The following CLNK variants were observed in gnomAD, a reference collection of about 807,000 sequenced individuals.
The protein encoded by CLNK is cytokine dependent hematopoietic cell linker.
CLNK carries 74 observed loss-of-function variants against 68.6 expected under a neutral mutation model. The observed-to-expected ratio is 1.08, with a 90% confidence interval of 0.89 to 1.31. The LOEUF is 1.31. CLNK is among the 50% of genes most tolerant of loss of function. The pLI is 0.00. For synonymous variants in CLNK, 198 were observed against 172.2 expected (o/e 1.15, Z -1.17); for missense variants, 553 against 515.3 (o/e 1.07, Z -0.71).
chr4:10,633,950 C>T (rs1018740222), intron 2 of CLNK, among the ~76,000 whole-genome samples: 1 of 152,162 alleles, frequency 6.6e-6, no homozygotes, highest in African/African-American at 2.4e-5. Context: ...CTTAGGCCAA[C>T]TAGTGAGGTC....
At chr4:10,495,762 G>A (rs1387473125) in intron 18 of CLNK, among the ~76,000 whole-genome samples, 1 of 152,136 alleles carries the variant, frequency 6.6e-6, no homozygotes, top group Non-Finnish European at 1.5e-5. Context: ...AGATTTTGAT[G>A]AGAGAAGAGG....
chr4:10,540,555 C>G lies in CLNK; in HGVS notation c.541G>C (p.Glu181Gln). 1 of 1,613,892 alleles carries G rather than the reference C, an allele frequency of 6.2e-7. No individual in the cohort carries two copies. Among genetic ancestry groups the G allele is most frequent in the Non-Finnish European group, 8.5e-7 (1 of 1,179,858 alleles). ...TGAGATAAAGGTGGCCTGCTGCTCTCCGGCTCAGGGGGCAAGGGTTGGTAC... is the reference window on the plus strand; with the variant it reads ...TGAGATAAAGGTGGCCTGCTGCTCTGCGGCTCAGGGGGCAAGGGTTGGTAC... Reference protein sequence around the residue: ...KKYQPLPPEPESSRPPLSQRH... With the variant: ...KKYQPLPPEPQSSRPPLSQRH... The change falls in exon 11 of 19, where the codon GAG becomes CAG. Residue 181 changes from glutamate (E) to glutamine (Q), a missense_variant. Glu to Gln is a conservative substitution (Grantham distance 29, BLOSUM62 2). Coordinates refer to ENST00000226951, the MANE Select transcript of CLNK (RefSeq NM_052964.4).
At chr4:10,677,911 G>T (rs1724940117) in intron 1 of CLNK, among the ~76,000 whole-genome samples, 1 of 151,938 alleles carries the variant, frequency 6.6e-6, no homozygotes, top group Non-Finnish European at 1.5e-5. Flanking sequence ...GTTTAATTTA[G>T]TTTCCGTTAT....
At chr4:10,724,966 T>G in the CLNK span, among the ~76,000 whole-genome samples, 1 of 152,074 alleles carries the variant, frequency 6.6e-6, no homozygotes, top group Non-Finnish European at 1.5e-5. Context: ...AAGAACTTAT[T>G]TGTGAGGCAG....
At chr4:10,611,067 C>T (rs1721997189) in intron 2 of CLNK, among the ~76,000 whole-genome samples, 1 of 152,188 alleles carries the variant, frequency 6.6e-6, no homozygotes, top group African/African-American at 2.4e-5. Flanking sequence ...CGCCTGTAAT[C>T]CCAGCACTTT....
At chr4:10,624,936 T>C (rs1356816286) in intron 2 of CLNK, among the ~76,000 whole-genome samples, 3 of 152,200 alleles carry the variant, frequency 2.0e-5, no homozygotes, top group African/African-American at 7.2e-5. Flanking sequence ...CTTAACGTTT[T>C]CTCGATTCTG....
intron 2 of CLNK, among the ~76,000 whole-genome samples, chr4:10,616,387 T>TGCTTAA (rs1227518806): frequency 6.6e-6 from 1 of 152,234 alleles, no homozygotes; most frequent in Admixed American, 6.5e-5. Context: ...GTATGCTGTG[T>TGCTTAA]CAATATCTAT....
In CLNK at chr4:10,676,611, C is replaced by T. The variant is rs117796574; in HGVS notation, c.-43+8057G>A. 6.0e-4 allele frequency among the ~76,000 whole-genome samples: 92 copies of T among 152,066 alleles called. No individual in the cohort carries two copies. The East Asian group carries it at 0.017, about 27-fold the overall frequency. The stretch of plus-strand genomic sequence containing the variant: ...TCTATAGTTTCTGAATTTATTATTC[C>T]TGTTGAGTTTTGTTTTTAAAAACCA... On this transcript the variant is annotated intron_variant, in intron 1 of 18. Transcript: ENST00000226951.
chr4:10,628,005 G>A (rs1722743975), intron 2 of CLNK, among the ~76,000 whole-genome samples: 1 of 152,232 alleles, frequency 6.6e-6, no homozygotes, highest in Non-Finnish European at 1.5e-5. Flanking sequence ...CTCAGACTTT[G>A]CTGCTAGTGA....
At chr4:10,596,927 A>C (rs908745217) in intron 3 of CLNK, among the ~76,000 whole-genome samples, 13 of 152,182 alleles carry the variant, frequency 8.5e-5, no homozygotes, top group Non-Finnish European at 1.5e-4. Flanking sequence ...ATCTCTTGCT[A>C]TTGTCAAGAA....
intron 2 of CLNK, among the ~76,000 whole-genome samples, chr4:10,619,413 CTG>C (rs1722344341): frequency 6.6e-6 from 1 of 152,110 alleles, no homozygotes. Flanking sequence ...GCCTTTGGGA[CTG>C]TGTTTTGGTA....
chr4:10,554,064 C>T (rs1408667886), intron 8 of CLNK, among the ~76,000 whole-genome samples: 4 of 152,170 alleles, frequency 2.6e-5, no homozygotes, highest in Non-Finnish European at 5.9e-5. Flanking sequence ...AACAAAATAA[C>T]TCTTCCATTC....
intron 8 of CLNK, among the ~76,000 whole-genome samples, chr4:10,548,146 A>G (rs569922111): frequency 1.1e-4 from 17 of 152,138 alleles, no homozygotes; most frequent in Non-Finnish European, 2.1e-4. Flanking sequence ...TCTTGCCAAC[A>G]CTTGCCATCT....
chr4:10,674,034 C>T (rs6828436), intron 1 of CLNK, among the ~76,000 whole-genome samples: 70,379 of 152,064 alleles, frequency 0.46, 16,966 homozygotes, highest in Non-Finnish European at 0.54. Context: ...AGGAATGACA[C>T]TGAGGTGTCA....
intron 5 of CLNK, among the ~76,000 whole-genome samples, chr4:10,569,083 T>A (rs1260336401): frequency 1.3e-5 from 2 of 152,100 alleles, no homozygotes; most frequent in Non-Finnish European, 2.9e-5. Context: ...GTTCATTCGA[T>A]CAGGTTTAGG....
chr4:10,664,836 T>G (rs1484921911), intron 2 of CLNK, among the ~76,000 whole-genome samples: 1 of 152,196 alleles, frequency 6.6e-6, no homozygotes, highest in Non-Finnish European at 1.5e-5. Flanking sequence ...CATCTTACCT[T>G]TCATTTGTGT....
chr4:10,625,530 T>C (rs1175781277), intron 2 of CLNK, among the ~76,000 whole-genome samples: 1 of 152,012 alleles, frequency 6.6e-6, no homozygotes, highest in Admixed American at 6.5e-5. Context: ...TGCAGGTGCA[T>C]GTGCTTGTGT....
chr4:10,690,333 C>A, the CLNK span, among the ~76,000 whole-genome samples: 1 of 152,122 alleles, frequency 6.6e-6, no homozygotes, highest in African/African-American at 2.4e-5. Context: ...CCGGCAGAGG[C>A]AAAGGGGCAT....
rs1724469794 is a variant in CLNK at position 10,667,858 on chromosome 4, C to T, written c.11+1G>A. ...GCTCACAGTGATCCCACGGTACTTACTGCCTGTTCATAGTTCTTGGCACCT... is the reference window on the plus strand; with the variant it reads ...GCTCACAGTGATCCCACGGTACTTATTGCCTGTTCATAGTTCTTGGCACCT... On this transcript the variant is annotated splice_donor_variant, in intron 2 of 18. Transcript: ENST00000226951. LOFTEE classifies it high-confidence loss of function. 7.8e-7 allele frequency: 1 copy of T among 1,283,148 alleles called. No homozygotes were observed. Among genetic ancestry groups the T allele is most frequent in the African/African-American group, 2.2e-5 (1 of 45,478 alleles). The allele number at this position is 1,283,148 out of a possible 1,614,324, so 79.5% of individuals were successfully genotyped here. A position where few individuals can be genotyped will look rare whatever the true frequency, so the allele number is the denominator to read the frequency against.
Sources: allele counts gnomAD v4.1 joint callset (sites outside exome capture counted in the v4.1 genomes callset), GRCh38; gene constraint gnomAD v4.1.1; transcripts MANE v1.5; gene names NCBI Gene and HGNC (gene_info 2026-07-23, HGNC 2026-07-21).